SAP25: variants seen among roughly 807,000 people sequenced by gnomAD.
SAP25 encodes the protein histone deacetylase complex subunit SAP25.
A neutral mutation model predicts 31.5 loss-of-function variants in SAP25; 24 were observed. The ratio of observed to expected loss-of-function variants is 0.76; its 90% CI spans 0.55 to 1.07. The LOEUF (loss-of-function observed/expected upper bound fraction) is 1.07. Ranked by LOEUF, SAP25 falls within the 50% of genes least tolerant of loss-of-function variation. The probability of loss-of-function intolerance (pLI) is 0.00; values close to 1 mark genes in which losing one functional copy is unlikely to be tolerated. For synonymous variants in SAP25, 180 were observed against 186.0 expected (o/e 0.97, Z 0.26); for missense variants, 377 against 418.8 (o/e 0.90, Z 0.87).
intron 1 of SAP25, 72 bp from the exon 2 acceptor site, chr7:100,573,472 G>T (rs1801214208): frequency 8.2e-7 from 1 of 1,213,416 alleles, no homozygotes; most frequent in Non-Finnish European, 1.0e-6. Flanking sequence ...AAGGGTGCCT[G>T]GTGCAAGGGA....
rs919244825 is a variant in SAP25 at position 100,572,421 on chromosome 7, C to T, written c.760G>A (p.Glu254Lys). The T allele has an allele frequency of 1.4e-6, 2 of 1,412,024 alleles. No homozygotes were observed. Among genetic ancestry groups the T allele is most frequent in the Non-Finnish European group, 1.8e-6 (2 of 1,086,190 alleles). 87.5% of individuals were successfully genotyped at this position (1,412,024 alleles called of 1,614,324 possible). A position where few individuals can be genotyped will look rare whatever the true frequency, so the allele number is the denominator to read the frequency against. Residue 254 changes from glutamate (E) to lysine (K), a missense_variant, in exon 6 of 6, where the codon GAG becomes AAG. Coordinates refer to ENST00000622764, the MANE Select transcript of SAP25 (RefSeq NM_001348680.2). The surrounding 1 kb of genome is among the most constrained non-coding windows in gnomAD (Gnocchi z 4.1). ...ACCGCGGAGGAGCTGGGCCTAGGCT[C>T]CCCCTGGCTCATCTGCAGCAGGCCA... The part of the protein sequence containing the change: ...LTGLLQMSQG[E>K]PRPSSSAVGP...
chr7:100,572,598 C>G lies in SAP25; in HGVS notation c.610-27G>C. ...TGAGGAGAGAGAATGGAATGTGTTT[C>G]CTGCCAGGCAAGCCTGGAGGCTGGG... On this transcript the variant is annotated intron_variant, in intron 5 of 5. Coordinates refer to ENST00000622764, the MANE Select transcript of SAP25 (RefSeq NM_001348680.2). This position sits in a 1 kb window ranked among gnomAD's most constrained non-coding sequence, Gnocchi z 4.1. The G allele has an allele frequency of 6.7e-7, 1 of 1,489,306 alleles. No homozygotes were observed. Among genetic ancestry groups the G allele is most frequent in the South Asian group, 1.3e-5 (1 of 78,494 alleles). The allele number at this position is 1,489,306 out of a possible 1,614,324, so 92.3% of individuals were successfully genotyped here.
At position 100,573,010 on chromosome 7, in the gene SAP25, C is replaced by A; in HGVS notation, c.361G>T (p.Ala121Ser). ...AACGAGGCTCCTGAGCTACAGTTGG[C>A]CCCCTAGGGTGAGGAGGACAGAGCA... ...AKAGPRPVWG[A>S]NCSSGASFSG... The change falls in exon 4 of 6, where the codon GCC becomes TCC. Residue 121 changes from alanine to serine, a missense_variant. By Grantham distance (99) the Ala-to-Ser change is moderately conservative. Transcript: ENST00000622764. 1 of 1,484,528 alleles carries A rather than the reference C, an allele frequency of 6.7e-7. No individual in the cohort carries two copies. Among genetic ancestry groups the A allele is most frequent in the Non-Finnish European group, 8.9e-7 (1 of 1,120,680 alleles). The allele number at this position is 1,484,528 out of a possible 1,614,324, so 92.0% of individuals were successfully genotyped here.
At position 100,573,601 on chromosome 7, in the gene SAP25, C is replaced by T. The variant is rs1376310476; in HGVS notation, c.142G>A (p.Asp48Asn). Residue 48 changes from aspartate to asparagine, a missense_variant, in exon 1 of 6, where the codon GAC becomes AAC. Transcript: ENST00000622764. ...GGCTCCGTCCGAGCCCCTCACCTGT[C>T]CCATGGGGGTGTCCCCAGCTCCCTG... ...APRELGTPPW[D>N]SPQPPSRSPS... The T allele has an allele frequency of 1.7e-5, 21 of 1,232,260 alleles. No homozygotes were observed. The Admixed American group carries it at 8.8e-4, about 52-fold the overall frequency. The allele number at this position is 1,232,260 out of a possible 1,614,324, so 76.3% of individuals were successfully genotyped here.
chr7:100,573,038 G>A, intron 3 of SAP25, 25 bp from the exon 4 acceptor site: 1 of 1,496,886 alleles, frequency 6.7e-7, no homozygotes, highest in Non-Finnish European at 8.9e-7. Flanking sequence ...ACAGAGCACT[G>A]GAGCCTCAGG....
intron 1 of SAP25, 59 bp from the exon 2 acceptor site, chr7:100,573,459 C>T: frequency 8.1e-7 from 1 of 1,229,036 alleles, no homozygotes; most frequent in Non-Finnish European, 1.0e-6. Flanking sequence ...TCCCCTGGAG[C>T]CCAAGGGTGC....
intron 1 of SAP25, 74 bp downstream of exon 1, chr7:100,573,523 C>T (rs1801216647): frequency 1.6e-6 from 2 of 1,227,182 alleles, no homozygotes; most frequent in Non-Finnish European, 2.0e-6. Context: ...ATGGAGAAGC[C>T]TCCGTAGAGC....
intron 3 of SAP25, 44 bp from the exon 4 acceptor site, chr7:100,573,057 C>T (rs764338111): frequency 2.6e-5 from 39 of 1,512,266 alleles, no homozygotes; most frequent in Non-Finnish European, 3.4e-5. Flanking sequence ...GGCCACCGCA[C>T]AGCTCCCTGA....
In SAP25 at chr7:100,572,801, G is replaced by A. The variant is rs1423083106; in HGVS notation, c.512-50C>T. 10 of 1,508,562 alleles carry A rather than the reference G, an allele frequency of 6.6e-6. No individual in the cohort carries two copies. Among genetic ancestry groups the A allele is most frequent in the Non-Finnish European group, 8.8e-6 (10 of 1,135,122 alleles). 93.4% of individuals were successfully genotyped at this position (1,508,562 alleles called of 1,614,324 possible). A position where few individuals can be genotyped will look rare whatever the true frequency, so the allele number is the denominator to read the frequency against. ...GCGGGCTGCGGGCTCCCACCCCTGG[G>A]CACTGGTTCCCAGAGGAGTTGGGGC... On this transcript the variant is annotated intron_variant, in intron 4 of 5. Transcript: ENST00000622764. This position sits in a 1 kb window ranked among gnomAD's most constrained non-coding sequence, Gnocchi z 4.1.
Position 100,572,632 on chromosome 7 carries a change from A to G in SAP25, c.609+22T>C, listed in dbSNP as rs773405035. 257 of 1,524,358 alleles carry G rather than the reference A, an allele frequency of 1.7e-4. 7 individuals are homozygous for G. In the South Asian group the frequency reaches 3.1e-3, roughly 18 times the overall value. 94.4% of individuals were successfully genotyped at this position (1,524,358 alleles called of 1,614,324 possible). On this transcript the variant is annotated intron_variant, in intron 5 of 5. Coordinates refer to ENST00000622764, the MANE Select transcript of SAP25 (RefSeq NM_001348680.2). The surrounding 1 kb of genome is among the most constrained non-coding windows in gnomAD (Gnocchi z 4.1). ...CAAGCCTGGAGGCTGGGGTAAGGAC[A>G]GGGAGGGGAAAGAGCTCTCACCTGC...
In SAP25 at chr7:100,573,874, G is replaced by C. The variant is rs951093172; in HGVS notation, c.-132C>G. Reference sequence around the variant, plus strand: ...ACCCCAGAGGCCTCGCGGCGACGCTGGCGCCCTGTGCGTCTCCCGGCCACG... The same window carrying C: ...ACCCCAGAGGCCTCGCGGCGACGCTCGCGCCCTGTGCGTCTCCCGGCCACG... On this transcript the variant is annotated 5_prime_UTR_variant, in exon 1 of 6. Transcript: ENST00000622764. 1 of 752,480 alleles carries C rather than the reference G, an allele frequency of 1.3e-6. No individual in the cohort carries two copies. The highest frequency in any genetic ancestry group is 1.9e-5 in the African/African-American group (1 of 52,726). The allele number at this position is 752,480 out of a possible 1,614,324, so 46.6% of individuals were successfully genotyped here.
In SAP25 at chr7:100,572,640, G is replaced by C; in HGVS notation, c.609+14C>G. 6.5e-7 allele frequency: 1 copy of C among 1,527,208 alleles called. No individual in the cohort carries two copies. 94.6% of individuals were successfully genotyped at this position (1,527,208 alleles called of 1,614,324 possible). A position where few individuals can be genotyped will look rare whatever the true frequency, so the allele number is the denominator to read the frequency against. On this transcript the variant is annotated intron_variant, in intron 5 of 5. Transcript: ENST00000622764. This position sits in a 1 kb window ranked among gnomAD's most constrained non-coding sequence, Gnocchi z 4.1. ...GAGGCTGGGGTAAGGACAGGGAGGGGAAAGAGCTCTCACCTGCTGGGGGGC... is the reference window on the plus strand; with the variant it reads ...GAGGCTGGGGTAAGGACAGGGAGGGCAAAGAGCTCTCACCTGCTGGGGGGC...
chr7:100,573,553 G>A (rs929777944), intron 1 of SAP25, 44 bp downstream of exon 1: 9 of 1,232,154 alleles, frequency 7.3e-6, no homozygotes, highest in Middle Eastern at 6.2e-4. Context: ...AGGCATGGAG[G>A]CCCCCAGTCG....
rs192702476 is a variant in SAP25 at position 100,573,172 on chromosome 7, C to G, written c.291G>C (p.Ser97=). ...CCCAGGGCGCTAGTGGAGTCATCCT[C>G]GAGGGGGCCACCTCCCAGGCCACCT... The part of the protein sequence containing the change: ...SPQVAWEVAP[S]RMTPLAPWDP... The change falls in exon 3 of 6, where the codon TCG becomes TCC. Residue 97 remains serine, a synonymous_variant. Coordinates refer to ENST00000622764, the MANE Select transcript of SAP25 (RefSeq NM_001348680.2). 33 of 1,533,748 alleles carry G rather than the reference C, an allele frequency of 2.2e-5. No individual in the cohort carries two copies. Among genetic ancestry groups the G allele is most frequent in the Non-Finnish European group, 2.7e-5 (31 of 1,145,310 alleles).
rs1189971798 is a variant in SAP25 at position 100,573,307 on chromosome 7, G to A, written c.240C>T (p.Pro80=). The A allele has an allele frequency of 1.4e-5, 20 of 1,390,212 alleles. No homozygotes were observed. The highest frequency in any genetic ancestry group is 3.3e-5 in the South Asian group (2 of 60,614). The allele number at this position is 1,390,212 out of a possible 1,614,324, so 86.1% of individuals were successfully genotyped here. Residue 80 remains proline, a synonymous_variant, in exon 2 of 6, where the codon CCC becomes CCT. Coordinates refer to ENST00000622764, the MANE Select transcript of SAP25 (RefSeq NM_001348680.2). Reference sequence around the variant, plus strand: ...CAGGGCCTGTCCTACCTGGGGCTCCGGGGGGCTGCTCAGTGGCCGGGCCTG... The same window carrying A: ...CAGGGCCTGTCCTACCTGGGGCTCCAGGGGGCTGCTCAGTGGCCGGGCCTG... ...HLPGPATEQP[P]GAPDPRSPQV... is the part of the protein sequence containing the mutation.
chr7:100,572,910 A>G lies in SAP25; in HGVS notation c.461T>C (p.Val154Ala), dbSNP rs1386566645. ...EAASGRGLRP[V>A]APATGHWNGQ... ...ATTCCAGTGCCCTGTGGCAGGGGCC[A>G]CGGGCCTGAGACCCCTGCCCGAGGC... Residue 154 changes from valine to alanine, a missense_variant, in exon 4 of 6, where the codon GTG becomes GCG. Transcript: ENST00000622764. This position sits in a 1 kb window ranked among gnomAD's most constrained non-coding sequence, Gnocchi z 4.1. 3 of 1,477,292 alleles carry G rather than the reference A, an allele frequency of 2.0e-6. No individual in the cohort carries two copies. The highest frequency in any genetic ancestry group is 1.4e-5 in the African/African-American group (1 of 70,890). 91.5% of individuals were successfully genotyped at this position (1,477,292 alleles called of 1,614,324 possible). A position where few individuals can be genotyped will look rare whatever the true frequency, so the allele number is the denominator to read the frequency against.
At position 100,572,623 on chromosome 7, in the gene SAP25, G is replaced by T; in HGVS notation, c.609+31C>A. 1 of 1,515,192 alleles carries T rather than the reference G, an allele frequency of 6.6e-7. No individual in the cohort carries two copies. Among genetic ancestry groups the T allele is most frequent in the Non-Finnish European group, 8.8e-7 (1 of 1,138,682 alleles). The allele number at this position is 1,515,192 out of a possible 1,614,324, so 93.9% of individuals were successfully genotyped here. A position where few individuals can be genotyped will look rare whatever the true frequency, so the allele number is the denominator to read the frequency against. On this transcript the variant is annotated intron_variant, in intron 5 of 5. Coordinates refer to ENST00000622764, the MANE Select transcript of SAP25 (RefSeq NM_001348680.2). This position sits in a 1 kb window ranked among gnomAD's most constrained non-coding sequence, Gnocchi z 4.1. ...CCTGCCAGGCAAGCCTGGAGGCTGGGGTAAGGACAGGGAGGGGAAAGAGCT... is the reference window on the plus strand; with the variant it reads ...CCTGCCAGGCAAGCCTGGAGGCTGGTGTAAGGACAGGGAGGGGAAAGAGCT...
chr7:100,572,230 T>C lies in SAP25; in HGVS notation c.*57A>G. On this transcript the variant is annotated 3_prime_UTR_variant, in exon 6 of 6. Coordinates refer to ENST00000622764, the MANE Select transcript of SAP25 (RefSeq NM_001348680.2). This position sits in a 1 kb window ranked among gnomAD's most constrained non-coding sequence, Gnocchi z 4.1. The stretch of plus-strand genomic sequence containing the variant: ...TGCTCCCAGCCACACGGAGCCTGTT[T>C]TGCAAACCAACACTGTTTTATTGTC... The C allele has an allele frequency of 3.2e-6, 4 of 1,234,786 alleles. No individual in the cohort carries two copies. The highest frequency in any genetic ancestry group is 4.1e-6 in the Non-Finnish European group (4 of 983,408). The allele number at this position is 1,234,786 out of a possible 1,614,324, so 76.5% of individuals were successfully genotyped here. A position where few individuals can be genotyped will look rare whatever the true frequency, so the allele number is the denominator to read the frequency against.
Position 100,573,627 on chromosome 7 carries a change from G to C in SAP25, c.116C>G (p.Pro39Arg). ...GEPWSAGADA[P>R]RELGTPPWDS... Reference sequence around the variant, plus strand: ...CCATGGGGGTGTCCCCAGCTCCCTGGGGGCGTCCGCTCCGGCGCTCCAGGG... The same window carrying C: ...CCATGGGGGTGTCCCCAGCTCCCTGCGGGCGTCCGCTCCGGCGCTCCAGGG... The change falls in exon 1 of 6, where the codon CCC (proline) becomes CGC (arginine). Residue 39 changes from proline to arginine, a missense_variant. Transcript: ENST00000622764. 8.1e-7 allele frequency: 1 copy of C among 1,231,630 alleles called. No homozygotes were observed. The highest frequency in any genetic ancestry group is 1.0e-6 in the Non-Finnish European group (1 of 987,898). 76.3% of individuals were successfully genotyped at this position (1,231,630 alleles called of 1,614,324 possible). A position where few individuals can be genotyped will look rare whatever the true frequency, so the allele number is the denominator to read the frequency against.
Sources: allele counts gnomAD v4.1 joint callset, GRCh38; gene constraint gnomAD v4.1.1; non-coding constraint Gnocchi (gnomAD v3.1); transcripts MANE v1.5; gene names NCBI Gene and HGNC (gene_info 2026-07-23, HGNC 2026-07-21).